CEP192: variants seen among roughly 807,000 people sequenced by gnomAD.
CEP192 encodes centrosomal protein of 192 kDa.
Under a neutral mutation model 271.8 loss-of-function variants are expected in CEP192, and 151 were observed. The observed-to-expected ratio is 0.56, with a 90% CI of 0.49 to 0.64. The LOEUF (loss-of-function observed/expected upper bound fraction) is 0.64. Ranked by LOEUF, CEP192 falls within the 30% of genes least tolerant of loss-of-function variation. CEP192 has a pLI of 0.00. For synonymous variants in CEP192, 995 were observed against 1,076.5 expected, an observed-to-expected ratio of 0.92 and a Z score of 1.48; for missense variants, 2,910 against 3,020.5, an observed-to-expected ratio of 0.96 and a Z score of 0.86.
intron 39 of CEP192, chr18:13,103,920 C>T (rs1334368352): frequency 2.0e-5 from 9 of 460,526 alleles, no homozygotes; most frequent in Admixed American, 1.4e-4. Flanking sequence ...GATCTCCTGA[C>T]CTCAAGCAAT....
At chr18:13,119,793 T>G (rs2040583553) in intron 44 of CEP192, among the ~76,000 whole-genome samples, 1 of 152,220 alleles carries the variant, frequency 6.6e-6, no homozygotes, top group Admixed American at 6.5e-5. Context: ...AAACAAAGTT[T>G]CATTTAAAAA....
chr18:13,118,969 C>A (rs1481989375), intron 44 of CEP192, among the ~76,000 whole-genome samples: 3 of 152,152 alleles, frequency 2.0e-5, no homozygotes, highest in Admixed American at 2.0e-4. Flanking sequence ...TAAAAATCAG[C>A]CAAATCCAAG....
intron 40 of CEP192, among the ~76,000 whole-genome samples, chr18:13,112,239 C>T (rs1381943017): frequency 6.6e-6 from 1 of 152,098 alleles, no homozygotes; most frequent in Non-Finnish European, 1.5e-5. Context: ...TCTGATGGGT[C>T]GATAAACAAA....
In CEP192 at chr18:13,025,145, CTTG is replaced by C. The variant is rs978979136; in HGVS notation, c.1051-4515_1051-4513del. The stretch of plus-strand genomic sequence containing the variant: ...TTGGATTAATGTCTGCCATGTTGTT[CTTG>C]TTTTTTTCCCCTATTTTTTTCTTTC... On this transcript the variant is annotated intron_variant, in intron 9 of 44. Transcript: ENST00000506447. Among the ~76,000 whole-genome samples the C allele has an allele frequency of 2.6e-4, 39 of 152,028 alleles. 1 individual carries two copies. The highest frequency in any genetic ancestry group is 2.0e-4 in the Admixed American group (3 of 15,276).
intron 44 of CEP192, among the ~76,000 whole-genome samples, chr18:13,122,948 A>G (rs930282372): frequency 6.6e-6 from 1 of 152,140 alleles, no homozygotes; most frequent in Admixed American, 6.6e-5. Context: ...AGCTGTATTA[A>G]ATGTTGTGGT....
chr18:12,999,354 T>A (rs2033463241), intron 1 of CEP192, 67 bp from the exon 2 acceptor site: 1 of 1,223,684 alleles, frequency 8.2e-7, no homozygotes, highest in Non-Finnish European at 1.1e-6. Flanking sequence ...TCTAAGACAA[T>A]GCTTTTAATC....
chr18:13,113,060 G>A (rs2040275253), intron 40 of CEP192, among the ~76,000 whole-genome samples: 1 of 152,232 alleles, frequency 6.6e-6, no homozygotes, highest in African/African-American at 2.4e-5. Flanking sequence ...CAGGGTCACT[G>A]GCTGACTGAC....
At chr18:13,011,531 GT>G (rs35197591) in intron 4 of CEP192, among the ~76,000 whole-genome samples, 108,546 of 151,360 alleles carry the variant, frequency 0.72, 40,385 homozygotes, top group African/African-American at 0.93. Context: ...GTTTTGTTTT[GT>G]TTTTTTTTGA....
intron 11 of CEP192, among the ~76,000 whole-genome samples, chr18:13,034,994 C>T (rs1288717631): frequency 3.3e-5 from 5 of 152,046 alleles, no homozygotes; most frequent in Non-Finnish European, 7.4e-5. Flanking sequence ...CGGAAGCATT[C>T]AGTACAAGAG....
chr18:13,121,261 C>T (rs1314383072), intron 44 of CEP192, among the ~76,000 whole-genome samples: 1 of 152,196 alleles, frequency 6.6e-6, no homozygotes, highest in Non-Finnish European at 1.5e-5. Flanking sequence ...ACTGTGTGCT[C>T]TATGACACCA....
intron 17 of CEP192, among the ~76,000 whole-genome samples, chr18:13,051,268 G>C (rs1002198728): frequency 6.6e-6 from 1 of 152,054 alleles, no homozygotes; most frequent in African/African-American, 2.4e-5. Flanking sequence ...TCACCTAAAA[G>C]CATTTGTTCT....
intron 21 of CEP192, among the ~76,000 whole-genome samples, chr18:13,064,679 C>G (rs1389386442): frequency 6.7e-6 from 1 of 149,676 alleles, no homozygotes; most frequent in Non-Finnish European, 1.5e-5. Context: ...CTATTCTGTT[C>G]CTTTGGTCTG....
At chr18:13,083,525 T>C (rs2038737404) in intron 30 of CEP192, among the ~76,000 whole-genome samples, 3 of 152,244 alleles carry the variant, frequency 2.0e-5, no homozygotes, top group Admixed American at 6.5e-5. Flanking sequence ...CTAATCTTTT[T>C]TCAAAGTTTT....
chr18:13,119,220 A>G (rs1380162906), intron 44 of CEP192, among the ~76,000 whole-genome samples: 4 of 152,216 alleles, frequency 2.6e-5, no homozygotes, highest in Admixed American at 6.5e-5. Flanking sequence ...ATACTGAATA[A>G]ATTATCCTGA....
intron 15 of CEP192, among the ~76,000 whole-genome samples, chr18:13,043,204 A>G (rs2036302072): frequency 6.6e-6 from 1 of 152,208 alleles, no homozygotes; most frequent in Non-Finnish European, 1.5e-5. Flanking sequence ...GTGCTGTCCA[A>G]GTCTGTTGCT....
At position 13,068,429 on chromosome 18, in the gene CEP192, T is replaced by C. The variant is rs564641327; in HGVS notation, c.4822+7T>C. On this transcript the variant is annotated splice_region_variant and intron_variant, in intron 24 of 44. Coordinates refer to ENST00000506447, the MANE Select transcript of CEP192 (RefSeq NM_032142.4). The stretch of plus-strand genomic sequence containing the variant: ...AAACAGATCAGCTCTTCAGGTATCA[T>C]GTTTACACTGTGTGGGAATTGCTTT... 1.3e-4 allele frequency: 207 copies of C among 1,594,412 alleles called. No individual in the cohort carries two copies. In the East Asian group the frequency reaches 4.3e-3, roughly 33 times the overall value.
chr18:13,005,919 A>C (rs1160775605), intron 3 of CEP192, among the ~76,000 whole-genome samples: 2 of 152,224 alleles, frequency 1.3e-5, no homozygotes, highest in East Asian at 3.8e-4. Context: ...TTGTACATGA[A>C]GTCTGGTATA....
At chr18:13,034,216 C>T (rs2035788969) in intron 11 of CEP192, among the ~76,000 whole-genome samples, 1 of 152,018 alleles carries the variant, frequency 6.6e-6, no homozygotes, top group African/African-American at 2.4e-5. Flanking sequence ...GAAAGGATGA[C>T]TAGCATGGGT....
intron 44 of CEP192, among the ~76,000 whole-genome samples, chr18:13,121,146 GAGC>G (rs1356957751): frequency 2.6e-5 from 4 of 152,222 alleles, no homozygotes; most frequent in Non-Finnish European, 4.4e-5. Flanking sequence ...TGCCAGATGA[GAGC>G]AGCAGTTAGC....
Sources: allele counts gnomAD v4.1 joint callset (sites outside exome capture counted in the v4.1 genomes callset), GRCh38; gene constraint gnomAD v4.1.1; transcripts MANE v1.5; gene names NCBI Gene and HGNC (gene_info 2026-07-23, HGNC 2026-07-21).